Variants in WIZ observed in about 807,000 individuals in gnomAD.
WIZ encodes the protein protein Wiz.
In WIZ, 25 loss-of-function variants were observed where a neutral mutation model predicts 140.2. The observed-to-expected ratio is 0.18, with a 90% CI of 0.13 to 0.25. The LOEUF is 0.25. Among genes scored for constraint, WIZ ranks in the 10% least tolerant of loss-of-function variants. The probability of loss-of-function intolerance (pLI) is 1.00; values close to 1 mark genes in which losing one functional copy is unlikely to be tolerated. For missense variants in WIZ, 2,231 were observed against 2,632.6 expected, an observed-to-expected ratio of 0.85 and a Z score of 3.34; for synonymous variants, 1,125 against 1,154.3, an observed-to-expected ratio of 0.97 and a Z score of 0.51.
chr19:15,423,616 G>T (rs899322219), intron 12 of WIZ, among the ~76,000 whole-genome samples: 114 of 152,222 alleles, frequency 7.5e-4, no homozygotes, highest in African/African-American at 2.7e-3. Context: ...ACCTAAAAAG[G>T]CCTCACAGCA....
In WIZ at chr19:15,427,980, G is replaced by A. The variant is rs1284730947; in HGVS notation, c.3814+130C>T. 1.5e-6 allele frequency: 2 copies of A among 1,319,804 alleles called. No individual in the cohort carries two copies. The highest frequency in any genetic ancestry group is 2.0e-6 in the Non-Finnish European group (2 of 992,248). 81.8% of individuals were successfully genotyped at this position (1,319,804 alleles called of 1,614,324 possible). A position where few individuals can be genotyped will look rare whatever the true frequency, so the allele number is the denominator to read the frequency against. ...GCAGCCCACTGCCAACAAGATCTCT[G>A]GGCAGAACCGGCCCACTGCCAAGGG... On this transcript the variant is annotated intron_variant, in intron 8 of 12. Transcript: ENST00000673675. The surrounding 1 kb of genome is among the most constrained non-coding windows in gnomAD (Gnocchi z 6.4).
rs1968873721 is a variant in WIZ at position 15,427,066 on chromosome 19, G to C, written c.4282C>G (p.Leu1428Val). 6.2e-7 allele frequency: 1 copy of C among 1,614,220 alleles called. No homozygotes were observed. Among genetic ancestry groups the C allele is most frequent in the African/African-American group, 1.3e-5 (1 of 75,074 alleles). ...AGTTCCCCATGAAGGGCCCCCGGCA[G>C]CATCTCCCGCTTGATCTCCACCCGT... ...QIRVEIKREM[L>V]PGALHGELHP... is the part of the protein sequence containing the mutation. Residue 1428 changes from leucine (L) to valine (V), a missense_variant, in exon 9 of 13, where the codon CTG (leucine) becomes GTG (valine). Transcript: ENST00000673675. This position sits in a 1 kb window ranked among gnomAD's most constrained non-coding sequence, Gnocchi z 6.4.
Position 15,439,271 on chromosome 19 carries a change from G to A in WIZ, c.1723C>T (p.Pro575Ser), listed in dbSNP as rs1468546225. ...GAGGGAAAGGCCAGCCTTCCGAGAGGCCTCTGGCCCGTGCCATGCAGGAGT... is the reference window on the plus strand; with the variant it reads ...GAGGGAAAGGCCAGCCTTCCGAGAGACCTCTGGCCCGTGCCATGCAGGAGT... ...KPLLHGTGQR[P>S]LGRLAFPSTL... The change falls in exon 4 of 13, where the codon CCT becomes TCT. Residue 575 changes from proline to serine, a missense_variant. Pro to Ser is a moderately conservative substitution (Grantham distance 74, BLOSUM62 -1). This residue lies in a region of WIZ where 475 missense variants were observed against 520.2 expected (regional missense o/e 0.91). Transcript: ENST00000673675. This position sits in a 1 kb window ranked among gnomAD's most constrained non-coding sequence, Gnocchi z 7.0. 2.6e-6 allele frequency: 4 copies of A among 1,534,764 alleles called. No homozygotes were observed. In the African/African-American group the frequency reaches 4.1e-5, roughly 16 times the overall value.
In WIZ at chr19:15,439,259, G is replaced by C; in HGVS notation, c.1735C>G (p.Leu579Val). ...HGTGQRPLGR[L>V]AFPSTLASTP... is the part of the protein sequence containing the mutation. ...GATGCTAGTGTGGAGGGAAAGGCCA[G>C]CCTTCCGAGAGGCCTCTGGCCCGTG... is the stretch of plus-strand genomic sequence containing the variant. The change falls in exon 4 of 13, where the codon CTG becomes GTG. Residue 579 changes from leucine to valine, a missense_variant. Coordinates refer to ENST00000673675, the MANE Select transcript of WIZ (RefSeq NM_001371589.1). This position sits in a 1 kb window ranked among gnomAD's most constrained non-coding sequence, Gnocchi z 7.0. 5 of 1,534,998 alleles carry C rather than the reference G, an allele frequency of 3.3e-6. No individual in the cohort carries two copies. The highest frequency in any genetic ancestry group is 3.5e-6 in the Non-Finnish European group (4 of 1,146,260).
Position 15,442,878 on chromosome 19 carries a change from G to T in WIZ, c.206-130C>A. On this transcript the variant is annotated intron_variant, in intron 2 of 12. Transcript: ENST00000673675. The surrounding 1 kb of genome is among the most constrained non-coding windows in gnomAD (Gnocchi z 5.5). ...GGCTCCCAGTTCCTCTCCCTGAGAG[G>T]CCCGTGGCCTCTGTGGTCCTGAGCC... 1 of 468,708 alleles carries T rather than the reference G, an allele frequency of 2.1e-6. No individual in the cohort carries two copies. The highest frequency in any genetic ancestry group is 3.4e-6 in the Non-Finnish European group (1 of 290,834). 29.0% of individuals were successfully genotyped at this position (468,708 alleles called of 1,614,324 possible). A position where few individuals can be genotyped will look rare whatever the true frequency, so the allele number is the denominator to read the frequency against.
rs765526564 is a variant in WIZ at position 15,448,221 on chromosome 19, G to C, written c.87C>G (p.Asn29Lys). The change falls in exon 2 of 13, where the codon AAC becomes AAG. Residue 29 changes from asparagine (N) to lysine (K), a missense_variant. Coordinates refer to ENST00000673675, the MANE Select transcript of WIZ (RefSeq NM_001371589.1). ...ERLPGPAPRE[N>K]IEGGAEAAEG... The stretch of plus-strand genomic sequence containing the variant: ...CAGCAGCTTCGGCCCCACCCTCGAT[G>C]TTCTCCCTTGGCGCCGGGCCAGGCA... 29 of 1,613,398 alleles carry C rather than the reference G, an allele frequency of 1.8e-5. No individual in the cohort carries two copies. Among genetic ancestry groups the C allele is most frequent in the Non-Finnish European group, 2.1e-5 (25 of 1,179,654 alleles).
chr19:15,440,265 C>T lies in WIZ; in HGVS notation c.729G>A (p.Leu243=). 2.7e-6 allele frequency: 4 copies of T among 1,490,298 alleles called. No individual in the cohort carries two copies. Among genetic ancestry groups the T allele is most frequent in the Non-Finnish European group, 1.8e-6 (2 of 1,124,252 alleles). 92.3% of individuals were successfully genotyped at this position (1,490,298 alleles called of 1,614,324 possible). A position where few individuals can be genotyped will look rare whatever the true frequency, so the allele number is the denominator to read the frequency against. The part of the protein sequence containing the change: ...VVGGREDLED[L]EGLAQPSEWG... ...ACTCGGACGGCTGGGCCAGCCCCTC[C>T]AGGTCCTCCAGATCTTCTCTGCCAC... Residue 243 remains leucine, a synonymous_variant, in exon 4 of 13, where the codon CTG becomes CTA. Coordinates refer to ENST00000673675, the MANE Select transcript of WIZ (RefSeq NM_001371589.1). The surrounding 1 kb of genome is among the most constrained non-coding windows in gnomAD (Gnocchi z 6.2).
intron 1 of WIZ, 97 bp downstream of exon 1, chr19:15,449,701 C>CG (rs1209770520): frequency 2.7e-5 from 4 of 145,906 alleles, no homozygotes; most frequent in Admixed American, 6.8e-5. Context: ...GCCCCCGCCC[C>CG]GGGGGGTCCC....
At position 15,440,134 on chromosome 19, in the gene WIZ, C is replaced by A; in HGVS notation, c.860G>T (p.Gly287Val). 6.5e-7 allele frequency: 1 copy of A among 1,533,302 alleles called. No individual in the cohort carries two copies. The highest frequency in any genetic ancestry group is 8.7e-7 in the Non-Finnish European group (1 of 1,145,558). 95.0% of individuals were successfully genotyped at this position (1,533,302 alleles called of 1,614,324 possible). A position where few individuals can be genotyped will look rare whatever the true frequency, so the allele number is the denominator to read the frequency against. ...LQPLLPPIRT[G>V]PYLCELLEEV... The stretch of plus-strand genomic sequence containing the variant: ...CTCCAGCAGCTCACACAGGTAGGGC[C>A]CGGTCCGGATCGGGGGCAGTAGCGG... The change falls in exon 4 of 13, where the codon GGG becomes GTG. Residue 287 changes from glycine to valine, a missense_variant. By Grantham distance (109) the Gly-to-Val change is moderately radical (BLOSUM62 -3). This residue lies in a region of WIZ where 307 missense variants were observed against 294.1 expected (regional missense o/e 1.04). Transcript: ENST00000673675. The surrounding 1 kb of genome is among the most constrained non-coding windows in gnomAD (Gnocchi z 6.2).
At chr19:15,426,374 A>G (rs1968821887) in intron 9 of WIZ, among the ~76,000 whole-genome samples, 1 of 152,202 alleles carries the variant, frequency 6.6e-6, no homozygotes, top group Admixed American at 6.5e-5. Context: ...CAGGCAAGCG[A>G]GCAAGTGACA....
rs775869518 is a variant in WIZ at position 15,424,158 on chromosome 19, C to T, written c.5510+25G>A. Reference sequence around the variant, plus strand: ...GACCAAGGTCCACTCAGGTGGTCTCCCTCCCTCCCCCAGGGGCAGCCTACC... The same window carrying T: ...GACCAAGGTCCACTCAGGTGGTCTCTCTCCCTCCCCCAGGGGCAGCCTACC... On this transcript the variant is annotated intron_variant, in intron 12 of 12. Transcript: ENST00000673675. The surrounding 1 kb of genome is among the most constrained non-coding windows in gnomAD (Gnocchi z 9.7). The T allele has an allele frequency of 6.8e-7, 1 of 1,476,198 alleles. No homozygotes were observed. The highest frequency in any genetic ancestry group is 9.0e-7 in the Non-Finnish European group (1 of 1,113,516). 91.4% of individuals were successfully genotyped at this position (1,476,198 alleles called of 1,614,324 possible).
In WIZ at chr19:15,428,045, A is replaced by AC. The variant is rs149665088; in HGVS notation, c.3814+64dup. On this transcript the variant is annotated intron_variant, in intron 8 of 12. Transcript: ENST00000673675. This position sits in a 1 kb window ranked among gnomAD's most constrained non-coding sequence, Gnocchi z 6.4. The stretch of plus-strand genomic sequence containing the variant: ...CTGCCCCAGCAGGGAGGGGGCTGTG[A>AC]CCCCCCCCCCGGGAGGGGCTCCAGG... 0.028 allele frequency: 34,055 copies of AC among 1,210,582 alleles called. 65 individuals are homozygous for AC. Among genetic ancestry groups the AC allele is most frequent in the Non-Finnish European group, 0.032 (28,645 of 901,940 alleles). 75.0% of individuals were successfully genotyped at this position (1,210,582 alleles called of 1,614,324 possible). A position where few individuals can be genotyped will look rare whatever the true frequency, so the allele number is the denominator to read the frequency against.
At chr19:15,448,025 G>A (rs988976885) in intron 2 of WIZ, 78 bp downstream of exon 2, 5 of 1,538,190 alleles carry the variant, frequency 3.3e-6, no homozygotes, top group East Asian at 2.3e-5. Context: ...CCGCTGCTGC[G>A]CTGGGTGACT....
At position 15,448,195 on chromosome 19, in the gene WIZ, T is replaced by TCAG; in HGVS notation, c.110_112dup (p.Ala37dup). The stretch of plus-strand genomic sequence containing the variant: ...GGACCGGAAGATGCCACCTTCCCCC[T>TCAG]CAGCAGCTTCGGCCCCACCCTCGAT... On this transcript the variant is annotated inframe_insertion, in exon 2 of 13. Transcript: ENST00000673675. 1 of 1,612,792 alleles carries TCAG rather than the reference T, an allele frequency of 6.2e-7. No homozygotes were observed. Among genetic ancestry groups the TCAG allele is most frequent in the Non-Finnish European group, 8.5e-7 (1 of 1,179,228 alleles).
rs182364029 is a variant in WIZ, at chr19:15,436,508, A to G, written c.2740+298T>C. 9 of 348,846 alleles carry G rather than the reference A, an allele frequency of 2.6e-5. No homozygotes were observed. In the East Asian group the frequency reaches 5.0e-4, roughly 19 times the overall value. 21.6% of individuals were successfully genotyped at this position (348,846 alleles called of 1,614,324 possible). A position where few individuals can be genotyped will look rare whatever the true frequency, so the allele number is the denominator to read the frequency against. On this transcript the variant is annotated intron_variant, in intron 5 of 12. Coordinates refer to ENST00000673675, the MANE Select transcript of WIZ (RefSeq NM_001371589.1). ...AGGATGTAAATGAGTTCATGTTTGT[A>G]AAGTGCTTAGAACGATGCCTGGCTC...
At chr19:15,432,895 G>A (rs1482918617) in intron 5 of WIZ, among the ~76,000 whole-genome samples, 1 of 151,950 alleles carries the variant, frequency 6.6e-6, no homozygotes, top group Non-Finnish European at 1.5e-5. Context: ...CCCTGAGGGC[G>A]GACGGCTGCA....
Position 15,440,279 on chromosome 19 carries a change from C to A in WIZ, c.715G>T (p.Asp239Tyr). ...LDMAVVGGRE[D>Y]LEDLEGLAQP... Reference sequence around the variant, plus strand: ...GCCAGCCCCTCCAGGTCCTCCAGATCTTCTCTGCCACCCACCACCGCCATG... The same window carrying A: ...GCCAGCCCCTCCAGGTCCTCCAGATATTCTCTGCCACCCACCACCGCCATG... The change falls in exon 4 of 13, where the codon GAT becomes TAT. Residue 239 changes from aspartate to tyrosine, a missense_variant. Around this residue, in one of 15 missense-constraint regions of WIZ, gnomAD observed 307 missense variants for 294.1 expected, o/e 1.04. Transcript: ENST00000673675. This position sits in a 1 kb window ranked among gnomAD's most constrained non-coding sequence, Gnocchi z 6.2. The A allele has an allele frequency of 1.3e-6, 2 of 1,492,328 alleles. No individual in the cohort carries two copies. Among genetic ancestry groups the A allele is most frequent in the Non-Finnish European group, 1.8e-6 (2 of 1,124,552 alleles). The allele number at this position is 1,492,328 out of a possible 1,614,324, so 92.4% of individuals were successfully genotyped here. A position where few individuals can be genotyped will look rare whatever the true frequency, so the allele number is the denominator to read the frequency against.
chr19:15,428,371 G>C lies in WIZ; in HGVS notation c.3553C>G (p.Pro1185Ala). The C allele has an allele frequency of 6.5e-7, 1 of 1,535,522 alleles. No individual in the cohort carries two copies. Among genetic ancestry groups the C allele is most frequent in the Non-Finnish European group, 8.7e-7 (1 of 1,146,742 alleles). ...GVSDPDAKGS[P>A]IDVLHGLIRR... Reference sequence around the variant, plus strand: ...ATGAGCCCGTGGAGCACGTCTATGGGGGATCCCTTGGCGTCCGGATCGCTG... The same window carrying C: ...ATGAGCCCGTGGAGCACGTCTATGGCGGATCCCTTGGCGTCCGGATCGCTG... The change falls in exon 8 of 13, where the codon CCC becomes GCC. Residue 1185 changes from proline (P) to alanine (A), a missense_variant. Pro to Ala is a conservative substitution (Grantham distance 27). Transcript: ENST00000673675. This position sits in a 1 kb window ranked among gnomAD's most constrained non-coding sequence, Gnocchi z 6.4.
At position 15,424,337 on chromosome 19, in the gene WIZ, C is replaced by T. The variant is rs1197274547; in HGVS notation, c.5356G>A (p.Ala1786Thr). The T allele has an allele frequency of 8.7e-6, 14 of 1,603,612 alleles. No homozygotes were observed. Among genetic ancestry groups the T allele is most frequent in the Non-Finnish European group, 1.1e-5 (13 of 1,177,058 alleles). Residue 1786 changes from alanine (A) to threonine (T), a missense_variant, in exon 12 of 13, where the codon GCC (alanine) becomes ACC (threonine). Ala to Thr is a moderately conservative substitution (Grantham distance 58, BLOSUM62 0). Transcript: ENST00000673675. The surrounding 1 kb of genome is among the most constrained non-coding windows in gnomAD (Gnocchi z 9.7). ...RQARPPDASAARGGEDTNDLQ... is the reference protein window; with the variant it reads ...RQARPPDASATRGGEDTNDLQ... Reference sequence around the variant, plus strand: ...TCATTGGTGTCCTCGCCTCCCCGGGCTGCGGAGGCATCTGGAGGGCGGGCT... The same window carrying T: ...TCATTGGTGTCCTCGCCTCCCCGGGTTGCGGAGGCATCTGGAGGGCGGGCT...
Sources: gnomAD v4.1 joint callset for allele counts (sites outside exome capture counted in the v4.1 genomes callset) on GRCh38, gnomAD v4.1.1 for gene constraint, gnomAD v4.1.1 regional missense constraint, Gnocchi (gnomAD v3.1) non-coding constraint, MANE v1.5 for transcripts, NCBI Gene and HGNC (gene_info 2026-07-23, HGNC 2026-07-21) for gene names.